The following H6PD variants were observed in gnomAD, a reference collection of about 807,000 sequenced individuals.
H6PD encodes the protein GDH/6PGL endoplasmic bifunctional protein.
A neutral mutation model predicts 61.2 loss-of-function variants in H6PD; 48 were observed. The ratio of observed to expected loss-of-function variants is 0.78; its 90% CI spans 0.62 to 1.00. The LOEUF (loss-of-function observed/expected upper bound fraction) is 1.00, where lower values mean the gene tolerates loss of function less well. H6PD is among the 50% of genes least tolerant of loss of function. The probability of loss-of-function intolerance (pLI) is 0.00; values close to 1 mark genes in which losing one functional copy is unlikely to be tolerated. For synonymous variants in H6PD, 480 were observed against 457.9 expected, an observed-to-expected ratio of 1.05 and a Z score of -0.62; for missense variants, 1,093 against 1,065.0, an observed-to-expected ratio of 1.03 and a Z score of -0.37.
intron 3 of H6PD, among the ~76,000 whole-genome samples, chr1:9,250,282 T>C (rs1007203630): frequency 6.6e-6 from 1 of 152,100 alleles, no homozygotes; most frequent in Non-Finnish European, 1.5e-5. Context: ...GGGCTCAGCA[T>C]GGGCAGAATG....
chr1:9,256,429 T>C (rs1641518512), intron 3 of H6PD, among the ~76,000 whole-genome samples: 1 of 152,180 alleles, frequency 6.6e-6, no homozygotes, highest in South Asian at 2.1e-4. Context: ...GCTTCATTTC[T>C]TGCCCCCCAA....
chr1:9,247,231 A>G, intron 3 of H6PD, 148 bp downstream of exon 3: 2 of 620,194 alleles, frequency 3.2e-6, no homozygotes, highest in Non-Finnish European at 5.6e-6. Flanking sequence ...GAACCGGGCT[A>G]AACCCCAGGG....
chr1:9,260,653 A>G (rs1638229568), intron 3 of H6PD, among the ~76,000 whole-genome samples: 1 of 150,670 alleles, frequency 6.6e-6, no homozygotes, highest in Non-Finnish European at 1.5e-5. Context: ...CTGTTGTTAC[A>G]TTGGTGTTGT....
intron 1 of H6PD, among the ~76,000 whole-genome samples, chr1:9,238,443 G>A (rs1640909147): frequency 6.6e-6 from 1 of 152,244 alleles, no homozygotes; most frequent in Non-Finnish European, 1.5e-5. Flanking sequence ...GGAAGTTCCT[G>A]TAGTAATCCA....
chr1:9,247,119 C>T (rs755049701), intron 3 of H6PD, 36 bp downstream of exon 3: 2 of 1,350,386 alleles, frequency 1.5e-6, no homozygotes, highest in South Asian at 1.2e-5. Flanking sequence ...GTCCCCCAGC[C>T]TCTGCCTGCC....
At chr1:9,244,117 C>T (rs962295946) in intron 1 of H6PD, among the ~76,000 whole-genome samples, 2 of 152,178 alleles carry the variant, frequency 1.3e-5, no homozygotes, top group African/African-American at 4.8e-5. Context: ...AGCTCTAATA[C>T]ACATAAGTAC....
At chr1:9,256,532 G>A (rs1641524095) in intron 3 of H6PD, among the ~76,000 whole-genome samples, 1 of 152,168 alleles carries the variant, frequency 6.6e-6, no homozygotes, top group Non-Finnish European at 1.5e-5. Context: ...TGTCTGGTTG[G>A]CCCGAGAGTG....
chr1:9,248,459 G>A (rs1416631553), intron 3 of H6PD, among the ~76,000 whole-genome samples: 2 of 152,098 alleles, frequency 1.3e-5, no homozygotes, highest in South Asian at 2.1e-4. Flanking sequence ...CCAGATTCAC[G>A]GGTGCTGTGG....
chr1:9,257,029 C>T (rs1437028654), intron 3 of H6PD, among the ~76,000 whole-genome samples: 4 of 152,198 alleles, frequency 2.6e-5, no homozygotes, highest in Non-Finnish European at 5.9e-5. Flanking sequence ...TGACTCTTTA[C>T]AGCTGTTTCT....
Position 9,245,317 on chromosome 1 carries a change from T to C in H6PD, c.383T>C (p.Leu128Pro). The part of the protein sequence containing the change: ...QALNKDIEAQ[L>P]QHAGLREAGR... ...CTGAACAAGGACATCGAGGCACAGCTCCAGCACGCAGGCCTCCGGGAGGCT... is the reference window on the plus strand; with the variant it reads ...CTGAACAAGGACATCGAGGCACAGCCCCAGCACGCAGGCCTCCGGGAGGCT... Residue 128 changes from leucine (L) to proline (P), a missense_variant, in exon 2 of 5, where the codon CTC becomes CCC. By Grantham distance (98) the Leu-to-Pro change is moderately conservative (BLOSUM62 -3). Coordinates refer to ENST00000377403, the MANE Select transcript of H6PD (RefSeq NM_004285.4). The surrounding 1 kb of genome is among the most constrained non-coding windows in gnomAD (Gnocchi z 4.8). The C allele has an allele frequency of 6.2e-7, 1 of 1,614,166 alleles. No homozygotes were observed. The highest frequency in any genetic ancestry group is 1.1e-5 in the South Asian group (1 of 91,084).
At chr1:9,244,812 A>T in intron 1 of H6PD, 113 bp from the exon 2 acceptor site, 1 of 1,000,416 alleles carries the variant, frequency 1.0e-6, no homozygotes, top group African/African-American at 1.6e-5. Context: ...ACATTTTCTT[A>T]AGAAACACGT....
At position 9,245,678 on chromosome 1, in the gene H6PD, T is replaced by G; in HGVS notation, c.627+117T>G. On this transcript the variant is annotated intron_variant, in intron 2 of 4. Coordinates refer to ENST00000377403, the MANE Select transcript of H6PD (RefSeq NM_004285.4). This position sits in a 1 kb window ranked among gnomAD's most constrained non-coding sequence, Gnocchi z 4.8. The stretch of plus-strand genomic sequence containing the variant: ...CCCCAAGGCATTGTGAACTCAGAGC[T>G]CCCATGGTCTCCTTGAAGGTGGGCA... 1 of 1,013,260 alleles carries G rather than the reference T, an allele frequency of 9.9e-7. No individual in the cohort carries two copies. The allele number at this position is 1,013,260 out of a possible 1,614,324, so 62.8% of individuals were successfully genotyped here.
At chr1:9,246,612 C>A (rs1420086306) in intron 2 of H6PD, among the ~76,000 whole-genome samples, 1 of 152,178 alleles carries the variant, frequency 6.6e-6, no homozygotes. Flanking sequence ...GAGGTTTTCA[C>A]TTGTTTATGG....
Position 9,263,601 on chromosome 1 carries a change from C to T in H6PD, c.1108C>T (p.Arg370Trp), listed in dbSNP as rs765907217. The change falls in exon 5 of 5, where the codon CGG becomes TGG. Residue 370 changes from arginine to tryptophan, a missense_variant. Arg to Trp is a moderately radical substitution (Grantham distance 101). Transcript: ENST00000377403. ...CTTGGACGAGAGAGTGGGCTACGCT[C>T]GGATCTTGTTCAAGAACCAGGCCTG... ...KALDERVGYARILFKNQACCV... is the reference protein window; with the variant it reads ...KALDERVGYAWILFKNQACCV... 2.0e-5 allele frequency: 32 copies of T among 1,614,072 alleles called. No individual in the cohort carries two copies. Among genetic ancestry groups the T allele is most frequent in the African/African-American group, 9.3e-5 (7 of 74,930 alleles).
chr1:9,249,421 G>T (rs1641288480), intron 3 of H6PD, among the ~76,000 whole-genome samples: 1 of 152,196 alleles, frequency 6.6e-6, no homozygotes, highest in Admixed American at 6.5e-5. Context: ...GAGGATGTTG[G>T]GTTTGAACAG....
At chr1:9,250,314 C>G (rs1275155529) in intron 3 of H6PD, among the ~76,000 whole-genome samples, 1 of 152,186 alleles carries the variant, frequency 6.6e-6, no homozygotes, top group East Asian at 1.9e-4. Flanking sequence ...GGATTCGGAG[C>G]CCGCGGTCTG....
intron 3 of H6PD, among the ~76,000 whole-genome samples, chr1:9,248,626 G>A (rs538561786): frequency 2.0e-4 from 28 of 140,754 alleles, no homozygotes; most frequent in South Asian, 4.8e-4. Context: ...GTGAGCCTCC[G>A]TCTCTGAAAA....
Position 9,267,646 on chromosome 1 carries a change from C to G in H6PD, c.*2777C>G, listed in dbSNP as rs1324474297. On this transcript the variant is annotated 3_prime_UTR_variant, in exon 5 of 5. Coordinates refer to ENST00000377403, the MANE Select transcript of H6PD (RefSeq NM_004285.4). ...GGTCGAAATGCCAAAGGTCTACTTT[C>G]CAGAATCAAGTGCCTTCTGCAAATC... 3.9e-5 allele frequency: 6 copies of G among 152,298 alleles called. No individual in the cohort carries two copies. Among genetic ancestry groups the G allele is most frequent in the Non-Finnish European group, 8.8e-5 (6 of 68,132 alleles). The allele number at this position is 152,298 out of a possible 1,614,324, so 9.4% of individuals were successfully genotyped here.
Position 9,265,116 on chromosome 1 carries a change from G to C in H6PD, c.*247G>C. ...TGCTCCTGAGAAGCTTCAAATTCAG[G>C]CCAGGAGAGAAGTCTTAAGAAAAGA... On this transcript the variant is annotated 3_prime_UTR_variant, in exon 5 of 5. Coordinates refer to ENST00000377403, the MANE Select transcript of H6PD (RefSeq NM_004285.4). 1.7e-6 allele frequency: 1 copy of C among 590,390 alleles called. No homozygotes were observed. Among genetic ancestry groups the C allele is most frequent in the South Asian group, 2.0e-5 (1 of 50,936 alleles). The allele number at this position is 590,390 out of a possible 1,614,324, so 36.6% of individuals were successfully genotyped here. A position where few individuals can be genotyped will look rare whatever the true frequency, so the allele number is the denominator to read the frequency against.
Sources: gnomAD v4.1 joint callset for allele counts (sites outside exome capture counted in the v4.1 genomes callset) on GRCh38, gnomAD v4.1.1 for gene constraint, Gnocchi (gnomAD v3.1) non-coding constraint, MANE v1.5 for transcripts, NCBI Gene and HGNC (gene_info 2026-07-23, HGNC 2026-07-21) for gene names.